The following DCC variants were observed in gnomAD, a reference collection of about 807,000 sequenced individuals.
The protein encoded by DCC is DCC netrin 1 receptor.
A neutral mutation model predicts 172.5 loss-of-function variants in DCC; 58 were observed. The observed-to-expected ratio is 0.34, with a 90% confidence interval of 0.27 to 0.42. The LOEUF (loss-of-function observed/expected upper bound fraction) is 0.42. DCC is among the 10% of genes least tolerant of loss of function. DCC has a pLI of 1.00. For missense variants in DCC, 1,740 were observed against 1,791.0 expected (o/e 0.97, Z 0.51); for synonymous variants, 709 against 644.5 (o/e 1.10, Z -1.52).
intron 1 of DCC, among the ~76,000 whole-genome samples, chr18:52,670,310 G>A (rs2035528859): frequency 1.3e-5 from 2 of 152,170 alleles, no homozygotes; most frequent in South Asian, 4.1e-4. Context: ...GATGTGGATG[G>A]AAGACCAGGA....
intron 5 of DCC, among the ~76,000 whole-genome samples, chr18:52,969,696 T>A (rs2040998365): frequency 6.6e-6 from 1 of 151,878 alleles, no homozygotes. Flanking sequence ...CTAATTTGAA[T>A]ATATTTCTTA....
intron 7 of DCC, among the ~76,000 whole-genome samples, chr18:53,120,135 C>T (rs1050198690): frequency 6.6e-5 from 10 of 151,568 alleles, no homozygotes; most frequent in African/African-American, 9.7e-5. Context: ...AATCTCTATG[C>T]GTAAATATCA....
At chr18:53,245,211 C>A (rs551647188) in intron 12 of DCC, among the ~76,000 whole-genome samples, 1 of 152,200 alleles carries the variant, frequency 6.6e-6, no homozygotes, top group African/African-American at 2.4e-5. Flanking sequence ...AATCTTCCTT[C>A]CCCATTTCAA....
intron 9 of DCC, among the ~76,000 whole-genome samples, chr18:53,203,422 A>C (rs1486872982): frequency 6.6e-6 from 1 of 151,880 alleles, no homozygotes; most frequent in African/African-American, 2.4e-5. Context: ...AAAACACAGT[A>C]ATTTGTAAAG....
intron 15 of DCC, among the ~76,000 whole-genome samples, chr18:53,353,248 T>A (rs567109729): frequency 1.4e-3 from 207 of 146,012 alleles, no homozygotes; most frequent in African/African-American, 4.8e-3. Flanking sequence ...CACTCCAGCA[T>A]GGGCAACAAG....
At chr18:52,993,518 T>G (rs114173308) in intron 5 of DCC, among the ~76,000 whole-genome samples, 2,094 of 148,962 alleles carry the variant, frequency 0.014, 48 homozygotes, top group African/African-American at 0.048. Flanking sequence ...TCGGGTTCTA[T>G]TATTGCCTCA....
intron 2 of DCC, among the ~76,000 whole-genome samples, chr18:52,877,325 G>A (rs1174009101): frequency 1.3e-5 from 2 of 152,154 alleles, no homozygotes; most frequent in African/African-American, 2.4e-5. Context: ...GGAGAAAAAA[G>A]AAAGCAGCCC....
intron 1 of DCC, chr18:52,419,049 CG>C (rs1987154249): frequency 6.6e-6 from 1 of 151,852 alleles, no homozygotes; most frequent in Non-Finnish European, 1.5e-5. Context: ...TTAGTAGAGA[CG>C]GGGTTTCACC....
chr18:52,943,528 A>G (rs143029295), intron 5 of DCC, among the ~76,000 whole-genome samples: 3 of 152,318 alleles, frequency 2.0e-5, no homozygotes, highest in African/African-American at 4.8e-5. Flanking sequence ...TGTAATCTCT[A>G]TATCGCTGTG....
chr18:53,533,056 T>G lies in DCC; in HGVS notation c.*2403T>G, dbSNP rs2046539722. ...GCATTTAATCTATAATACAATCAAT[T>G]TAAACATCCTCAAAAAACTCTAGTA... On this transcript the variant is annotated 3_prime_UTR_variant, in exon 29 of 29. Transcript: ENST00000442544. The G allele has an allele frequency of 6.6e-6, 1 of 152,140 alleles. No homozygotes were observed. The highest frequency in any genetic ancestry group is 2.4e-5 in the African/African-American group (1 of 41,444). 9.4% of individuals were successfully genotyped at this position (152,140 alleles called of 1,614,324 possible). A position where few individuals can be genotyped will look rare whatever the true frequency, so the allele number is the denominator to read the frequency against.
intron 7 of DCC, among the ~76,000 whole-genome samples, chr18:53,114,438 A>G (rs956827913): frequency 2.0e-5 from 3 of 151,640 alleles, no homozygotes; most frequent in African/African-American, 7.2e-5. Flanking sequence ...AAAAAGTAAT[A>G]GAGTATCTCA....
intron 2 of DCC, among the ~76,000 whole-genome samples, chr18:52,894,989 T>G (rs543927687): frequency 6.6e-6 from 1 of 152,238 alleles, no homozygotes; most frequent in African/African-American, 2.4e-5. Context: ...GTCACCACAC[T>G]GACTGACTGA....
chr18:53,138,568 C>T (rs990719427), intron 7 of DCC, among the ~76,000 whole-genome samples: 2 of 152,166 alleles, frequency 1.3e-5, no homozygotes, highest in African/African-American at 4.8e-5. Flanking sequence ...TACATTTATG[C>T]CAGCAAATTA....
intron 1 of DCC, among the ~76,000 whole-genome samples, chr18:52,614,441 T>C (rs1425756392): frequency 2.6e-5 from 4 of 152,196 alleles, no homozygotes; most frequent in Non-Finnish European, 5.9e-5. Context: ...ATCTTTTTAG[T>C]TGCACCTAAA....
Position 52,865,841 on chromosome 18 carries a change from C to T in DCC, c.413-40203C>T, listed in dbSNP as rs572912247. 1.1e-4 allele frequency among the ~76,000 whole-genome samples: 16 copies of T among 152,076 alleles called. No homozygotes were observed. In the South Asian group the frequency reaches 2.5e-3, roughly 24 times the overall value. ...CAACTTGGCTTCCTTTCTTCCTATTCGAATACCCTGTTCACTCTGATGAGA... is the reference window on the plus strand; with the variant it reads ...CAACTTGGCTTCCTTTCTTCCTATTTGAATACCCTGTTCACTCTGATGAGA... On this transcript the variant is annotated intron_variant, in intron 2 of 28. Transcript: ENST00000442544.
chr18:52,565,579 C>T (rs904458345), intron 1 of DCC, among the ~76,000 whole-genome samples: 1 of 152,170 alleles, frequency 6.6e-6, no homozygotes, highest in Non-Finnish European at 1.5e-5. Context: ...ATTTGCTTTT[C>T]TCTAATGACG....
intron 5 of DCC, among the ~76,000 whole-genome samples, chr18:52,934,423 G>A (rs1018415688): frequency 3.3e-5 from 5 of 152,020 alleles, no homozygotes; most frequent in African/African-American, 1.2e-4. Flanking sequence ...GCTAGATAGG[G>A]AGAAACTTAA....
At chr18:52,838,794 A>C (rs1447086522) in intron 2 of DCC, among the ~76,000 whole-genome samples, 1 of 152,224 alleles carries the variant, frequency 6.6e-6, no homozygotes, top group African/African-American at 2.4e-5. Context: ...AGTGAATTTC[A>C]TAGGAGTTCA....
intron 21 of DCC, among the ~76,000 whole-genome samples, chr18:53,430,586 T>C (rs967591686): frequency 4.6e-5 from 7 of 152,140 alleles, no homozygotes; most frequent in African/African-American, 1.7e-4. Flanking sequence ...GGATTTAATA[T>C]AAACATTAAT....
Sources: allele counts gnomAD v4.1 joint callset (sites outside exome capture counted in the v4.1 genomes callset), GRCh38; gene constraint gnomAD v4.1.1; transcripts MANE v1.5; gene names NCBI Gene and HGNC (gene_info 2026-07-23, HGNC 2026-07-21).